Variants in PDZD2 observed in about 807,000 individuals in gnomAD.
PDZD2 encodes the protein PDZ domain containing 2, also known as PDZ domain-containing protein 2.
A neutral mutation model predicts 220.7 loss-of-function variants in PDZD2; 90 were observed. The observed-to-expected ratio is 0.41, with a 90% confidence interval of 0.34 to 0.49. The LOEUF is 0.49. Among genes scored for constraint, PDZD2 ranks in the 20% least tolerant of loss-of-function variants. The pLI, the probability that PDZD2 is intolerant of heterozygous loss-of-function variation, is 0.28. For missense variants in PDZD2, 3,174 were observed against 3,608.5 expected, an observed-to-expected ratio of 0.88 and a Z score of 3.08; for synonymous variants, 1,375 against 1,450.5, an observed-to-expected ratio of 0.95 and a Z score of 1.18.
chr5:31,997,911 C>T (rs1176651728), intron 4 of PDZD2, among the ~76,000 whole-genome samples: 7 of 152,144 alleles, frequency 4.6e-5, no homozygotes, highest in African/African-American at 1.2e-4. Context: ...GGCGCGATCT[C>T]GGCTCACCAC....
chr5:31,820,961 A>G (rs1320694028), intron 2 of PDZD2, among the ~76,000 whole-genome samples: 1 of 151,564 alleles, frequency 6.6e-6, no homozygotes, highest in Admixed American at 6.6e-5. Flanking sequence ...TAAACAATCT[A>G]TTCATGTCCT....
At chr5:32,059,378 G>A in intron 13 of PDZD2, 22 bp downstream of exon 13, 2 of 1,227,502 alleles carry the variant, frequency 1.6e-6, no homozygotes, top group Non-Finnish European at 2.4e-6. Context: ...GCCTGATAGT[G>A]TAAGGTTCTG....
intron 1 of PDZD2, among the ~76,000 whole-genome samples, chr5:31,781,372 CCACTG>C (rs1294165482): frequency 2.0e-5 from 3 of 152,176 alleles, no homozygotes; most frequent in Non-Finnish European, 4.4e-5. Context: ...TGAGATTGTG[CCACTG>C]CACTCCAGCC....
chr5:31,933,478 C>T (rs73066470), intron 2 of PDZD2, among the ~76,000 whole-genome samples: 1,966 of 152,024 alleles, frequency 0.013, 51 homozygotes, highest in African/African-American at 0.045. Context: ...GCTGTATGAT[C>T]GACTCCTGCT....
rs1745111641 is a variant in PDZD2, at chr5:32,109,095, T to G, written c.*960T>G. On this transcript the variant is annotated 3_prime_UTR_variant, in exon 25 of 25. Transcript: ENST00000438447. Reference sequence around the variant, plus strand: ...AATTTTATGCACTCCAACCATGAATTTAAACTAAATTTTTAGAAATCAAGT... The same window carrying G: ...AATTTTATGCACTCCAACCATGAATGTAAACTAAATTTTTAGAAATCAAGT... 6.6e-6 allele frequency: 1 copy of G among 152,368 alleles called. No homozygotes were observed. The highest frequency in any genetic ancestry group is 2.4e-5 in the African/African-American group (1 of 41,328). 9.4% of individuals were successfully genotyped at this position (152,368 alleles called of 1,614,324 possible). A position where few individuals can be genotyped will look rare whatever the true frequency, so the allele number is the denominator to read the frequency against.
At chr5:31,670,521 A>C (rs1746174120) in intron 1 of PDZD2, among the ~76,000 whole-genome samples, 1 of 152,086 alleles carries the variant, frequency 6.6e-6, no homozygotes, top group Admixed American at 6.6e-5. Context: ...GGTTCAAACG[A>C]TGCTCCTGCC....
chr5:32,001,614 C>T (rs1162517198), intron 5 of PDZD2, among the ~76,000 whole-genome samples: 1 of 152,246 alleles, frequency 6.6e-6, no homozygotes, highest in African/African-American at 2.4e-5. Context: ...GAGCTTCTTT[C>T]ACACCCACCC....
At chr5:31,815,210 A>G (rs1308402810) in intron 2 of PDZD2, among the ~76,000 whole-genome samples, 1 of 141,102 alleles carries the variant, frequency 7.1e-6, no homozygotes, top group African/African-American at 2.7e-5. Flanking sequence ...GCGCCACTGC[A>G]CTCCAGCCTA....
chr5:31,755,828 A>G (rs1308639912), intron 1 of PDZD2, among the ~76,000 whole-genome samples: 6 of 152,114 alleles, frequency 3.9e-5, no homozygotes, highest in Non-Finnish European at 1.5e-5. Flanking sequence ...CTATGTCATG[A>G]GTGGGCAGGA....
At chr5:31,806,960 G>A (rs908417754) in intron 2 of PDZD2, among the ~76,000 whole-genome samples, 1 of 140,760 alleles carries the variant, frequency 7.1e-6, no homozygotes, top group East Asian at 2.0e-4. Context: ...TTAAGACGGA[G>A]TTTCACTCTT....
rs1315762446 is a variant in PDZD2, at chr5:32,000,202, C to G, written c.1185C>G (p.Leu395=). 2.5e-6 allele frequency: 4 copies of G among 1,614,062 alleles called. No individual in the cohort carries two copies. Among genetic ancestry groups the G allele is most frequent in the Non-Finnish European group, 3.4e-6 (4 of 1,179,928 alleles). Residue 395 remains leucine, a synonymous_variant, in exon 5 of 25, where the codon CTC becomes CTG. Coordinates refer to ENST00000438447, the MANE Select transcript of PDZD2 (RefSeq NM_178140.4). This position sits in a 1 kb window ranked among gnomAD's most constrained non-coding sequence, Gnocchi z 4.5. ...LVINGHLLVG[L]SHEEAVAILR... ...TCAATGGTCATTTACTGGTCGGGCT[C>G]TCCCACGAGGAAGCAGTGGCCATTC...
At chr5:31,932,246 G>A (rs1745361000) in intron 2 of PDZD2, among the ~76,000 whole-genome samples, 1 of 152,134 alleles carries the variant, frequency 6.6e-6, no homozygotes. Context: ...ACTGGCCAAT[G>A]AGAAAATGTA....
At chr5:31,912,637 T>G (rs1743307374) in intron 2 of PDZD2, among the ~76,000 whole-genome samples, 1 of 152,188 alleles carries the variant, frequency 6.6e-6, no homozygotes, top group Admixed American at 6.5e-5. Flanking sequence ...CTGTTTCTCC[T>G]CCTGTAGCCG....
At chr5:31,782,740 G>A (rs1753128867) in intron 1 of PDZD2, among the ~76,000 whole-genome samples, 1 of 124,796 alleles carries the variant, frequency 8.0e-6, no homozygotes, top group Non-Finnish European at 1.6e-5. Flanking sequence ...TTGAGAAAGA[G>A]TGTTGCGCTA....
At chr5:31,744,096 C>T (rs1750438002) in intron 1 of PDZD2, 2 of 152,154 alleles carry the variant, frequency 1.3e-5, no homozygotes, top group South Asian at 2.1e-4. Context: ...TTGTCTGGAA[C>T]TTTCTGAGGT....
chr5:31,672,252 G>C (rs866515961), intron 1 of PDZD2, among the ~76,000 whole-genome samples: 1 of 152,162 alleles, frequency 6.6e-6, no homozygotes, highest in East Asian at 1.9e-4. Context: ...GATTCCAATC[G>C]GTAAGTCTGG....
At chr5:32,079,493 T>A (rs1223284254) in intron 19 of PDZD2, among the ~76,000 whole-genome samples, 1 of 151,642 alleles carries the variant, frequency 6.6e-6, no homozygotes, top group Non-Finnish European at 1.5e-5. Flanking sequence ...ATAGCCTTCC[T>A]TTTTAGGGCT....
chr5:31,655,400 C>A (rs1453424364), intron 1 of PDZD2, among the ~76,000 whole-genome samples: 1 of 152,156 alleles, frequency 6.6e-6, no homozygotes, highest in Non-Finnish European at 1.5e-5. Context: ...TCTTGAACTC[C>A]TGACCTCATG....
At chr5:32,039,983 C>A (rs1416182801) in intron 7 of PDZD2, among the ~76,000 whole-genome samples, 2 of 149,458 alleles carry the variant, frequency 1.3e-5, no homozygotes, top group Non-Finnish European at 3.0e-5. Flanking sequence ...TGCCTGGCCG[C>A]CCCATCTGGG....
Sources: allele counts gnomAD v4.1 joint callset (sites outside exome capture counted in the v4.1 genomes callset), GRCh38; gene constraint gnomAD v4.1.1; non-coding constraint Gnocchi (gnomAD v3.1); transcripts MANE v1.5; gene names NCBI Gene and HGNC (gene_info 2026-07-23, HGNC 2026-07-21).